The following PACRG variants were observed in gnomAD, a reference collection of about 807,000 sequenced individuals.
PACRG encodes parkin coregulated, also known as parkin coregulated gene protein.
PACRG carries 29 observed loss-of-function variants against 29.7 expected under a neutral mutation model. The ratio of observed to expected loss-of-function variants is 0.98; its 90% CI spans 0.73 to 1.33. The LOEUF (loss-of-function observed/expected upper bound fraction) is 1.33. Among genes scored for constraint, PACRG ranks in the 40% most tolerant of loss-of-function variants. The pLI is 0.00. For missense variants in PACRG, 279 were observed against 316.2 expected (o/e 0.88, Z 0.89); for synonymous variants, 116 against 118.7 (o/e 0.98, Z 0.15).
At chr6:163,017,199 C>A (rs1278168548) in intron 2 of PACRG, among the ~76,000 whole-genome samples, 2 of 152,030 alleles carry the variant, frequency 1.3e-5, no homozygotes, top group African/African-American at 4.8e-5. Context: ...CATGACTGAG[C>A]TATTTTGTAC....
intron 4 of PACRG, among the ~76,000 whole-genome samples, chr6:163,100,465 CAGGTCAGG>C (rs1815005088): frequency 6.6e-6 from 1 of 152,144 alleles, no homozygotes; most frequent in Non-Finnish European, 1.5e-5. Context: ...TTCCAGCTGC[CAGGTCAGG>C]AGCAGAGCAC....
At chr6:162,757,286 A>T (rs1234338701) in intron 1 of PACRG, among the ~76,000 whole-genome samples, 1 of 152,158 alleles carries the variant, frequency 6.6e-6, no homozygotes, top group African/African-American at 2.4e-5. Context: ...TTTGTATATT[A>T]TTCTTTTTGA....
chr6:163,224,539 A>G (rs1006414272), intron 4 of PACRG, among the ~76,000 whole-genome samples: 3 of 152,184 alleles, frequency 2.0e-5, no homozygotes, highest in African/African-American at 7.2e-5. Context: ...CCACACATTT[A>G]TATTCAGCTG....
chr6:163,056,071 C>T (rs867056093), intron 2 of PACRG, among the ~76,000 whole-genome samples: 23 of 152,174 alleles, frequency 1.5e-4, no homozygotes, highest in Admixed American at 5.9e-4. Context: ...TACCATTTCA[C>T]ACACATTAGC....
At chr6:163,089,197 C>A in intron 3 of PACRG, 62 bp from the exon 4 acceptor site, 4 of 1,529,062 alleles carry the variant, frequency 2.6e-6, no homozygotes, top group Non-Finnish European at 3.6e-6. Flanking sequence ...TTTACCTTAA[C>A]CTTGTAGACC....
rs984140812 is a variant in PACRG at position 162,851,911 on chromosome 6, G to A, written c.291+37630G>A. Among the ~76,000 whole-genome samples, 6 of 127,716 alleles carry A rather than the reference G, an allele frequency of 4.7e-5. No individual in the cohort carries two copies. In the South Asian group the frequency reaches 1.6e-3, roughly 35 times the overall value. 83.8% of individuals were successfully genotyped at this position (127,716 alleles called of 152,430 possible). On this transcript the variant is annotated intron_variant, in intron 2 of 4. Transcript: ENST00000366888. The stretch of plus-strand genomic sequence containing the variant: ...AGAGTGAAAAGTATAGAAGGAAAAA[G>A]AAAGAAAAGAGAAAAGAAAAGAAAG...
intron 2 of PACRG, among the ~76,000 whole-genome samples, chr6:162,952,880 G>C (rs1799754144): frequency 6.6e-6 from 1 of 152,208 alleles, no homozygotes; most frequent in East Asian, 1.9e-4. Context: ...CGACGTTTTT[G>C]CATGTGATAT....
In PACRG at chr6:162,888,187, G is replaced by A. The variant is rs1360265263; in HGVS notation, c.291+73906G>A. Reference sequence around the variant, plus strand: ...TCATCTAGGGGGTTTCTGTAGCAGTGAGGGTGGGCTGCGGGGTGTCATCCT... The same window carrying A: ...TCATCTAGGGGGTTTCTGTAGCAGTAAGGGTGGGCTGCGGGGTGTCATCCT... On this transcript the variant is annotated intron_variant, in intron 2 of 4. Coordinates refer to ENST00000366888, the MANE Select transcript of PACRG (RefSeq NM_001080379.2). Among the ~76,000 whole-genome samples, 4 of 152,074 alleles carry A rather than the reference G, an allele frequency of 2.6e-5. No homozygotes were observed. The East Asian group carries it at 7.8e-4, about 29-fold the overall frequency.
At chr6:163,048,590 G>A (rs952888590) in intron 2 of PACRG, among the ~76,000 whole-genome samples, 2 of 152,136 alleles carry the variant, frequency 1.3e-5, no homozygotes, top group African/African-American at 4.8e-5. Context: ...GTTGGCCTCA[G>A]ACAGTCAGCT....
At chr6:163,069,228 A>G (rs898536604) in intron 3 of PACRG, among the ~76,000 whole-genome samples, 5 of 151,504 alleles carry the variant, frequency 3.3e-5, no homozygotes, top group African/African-American at 1.2e-4. Flanking sequence ...CGCAATACCT[A>G]ACTTTTCAAT....
intron 4 of PACRG, among the ~76,000 whole-genome samples, chr6:163,279,375 G>T (rs897201455): frequency 6.6e-6 from 1 of 152,102 alleles, no homozygotes; most frequent in Non-Finnish European, 1.5e-5. Flanking sequence ...GTACTGTGTT[G>T]AATAGATCTT....
At chr6:163,233,969 A>C (rs2128164829) in intron 4 of PACRG, among the ~76,000 whole-genome samples, 1 of 152,346 alleles carries the variant, frequency 6.6e-6, no homozygotes, top group South Asian at 2.1e-4. Context: ...GGGCTCAATA[A>C]GAAATGCCTG....
At chr6:163,090,852 C>G (rs918733844) in intron 4 of PACRG, among the ~76,000 whole-genome samples, 1 of 152,176 alleles carries the variant, frequency 6.6e-6, no homozygotes, top group Non-Finnish European at 1.5e-5. Flanking sequence ...CCCCAAATGT[C>G]TTAGTTAACA....
intron 4 of PACRG, among the ~76,000 whole-genome samples, chr6:163,131,617 G>T (rs1357641560): frequency 6.6e-6 from 1 of 152,162 alleles, no homozygotes; most frequent in African/African-American, 2.4e-5. Flanking sequence ...TAAGTCACCA[G>T]GTTTGTGGTA....
intron 4 of PACRG, among the ~76,000 whole-genome samples, chr6:163,276,008 C>CT (rs1784010401): frequency 4.9e-4 from 69 of 140,684 alleles, no homozygotes; most frequent in East Asian, 3.7e-3. Flanking sequence ...TCCTTCCTTC[C>CT]TTCTTTCTTT....
At chr6:162,891,242 T>A (rs910533780) in intron 2 of PACRG, among the ~76,000 whole-genome samples, 1 of 152,212 alleles carries the variant, frequency 6.6e-6, no homozygotes, top group African/African-American at 2.4e-5. Context: ...ACTGCAATGC[T>A]ATTGCAGTCA....
chr6:162,846,289 C>T (rs1790371775), intron 2 of PACRG, among the ~76,000 whole-genome samples: 2 of 152,184 alleles, frequency 1.3e-5, no homozygotes, highest in Admixed American at 6.5e-5. Flanking sequence ...GTAGATTTTA[C>T]AGTGCAGAGC....
In PACRG at chr6:162,936,875, T is replaced by G. The variant is rs114954497; in HGVS notation, c.291+122594T>G. 9.0e-3 allele frequency among the ~76,000 whole-genome samples: 1,376 copies of G among 152,204 alleles called. 15 individuals carry two copies. The highest frequency in any genetic ancestry group is 0.024 in the African/African-American group (1,002 of 41,536). Reference sequence around the variant, plus strand: ...CTTACTAAGATGTGCATTTCTAAAATATTTTAGAAATCATGCATCTATACA... The same window carrying G: ...CTTACTAAGATGTGCATTTCTAAAAGATTTTAGAAATCATGCATCTATACA... On this transcript the variant is annotated intron_variant, in intron 2 of 4. Transcript: ENST00000366888.
At chr6:162,791,303 G>GTTTTT (rs1272846363) in intron 1 of PACRG, among the ~76,000 whole-genome samples, 24 of 85,090 alleles carry the variant, frequency 2.8e-4, no homozygotes, top group African/African-American at 1.2e-3. Context: ...CTCCTAGTTT[G>GTTTTT]TTTGTTTGTT....
Sources: allele counts gnomAD v4.1 joint callset (sites outside exome capture counted in the v4.1 genomes callset), GRCh38; gene constraint gnomAD v4.1.1; transcripts MANE v1.5; gene names NCBI Gene and HGNC (gene_info 2026-07-23, HGNC 2026-07-21).